MARCHF1: variants seen among roughly 807,000 people sequenced by gnomAD.
The protein encoded by MARCHF1 is membrane associated ring-CH-type finger 1.
Under a neutral mutation model 54.2 loss-of-function variants are expected in MARCHF1, and 40 were observed. The ratio of observed to expected loss-of-function variants is 0.74; its 90% CI spans 0.57 to 0.96. The LOEUF (loss-of-function observed/expected upper bound fraction) is 0.96, where lower values mean the gene tolerates loss of function less well. Among genes scored for constraint, MARCHF1 ranks in the 40% least tolerant of loss-of-function variants. The pLI is 0.00. For synonymous variants in MARCHF1, 236 were observed against 236.3 expected (o/e 1.00, Z 0.01); for missense variants, 586 against 656.5 (o/e 0.89, Z 1.17).
chr4:164,084,922 T>C (rs1755165814), intron 2 of MARCHF1, among the ~76,000 whole-genome samples: 1 of 151,708 alleles, frequency 6.6e-6, no homozygotes, highest in African/African-American at 2.4e-5. Context: ...TTAAAAGTAA[T>C]GAAATAAAAT....
intron 1 of MARCHF1, among the ~76,000 whole-genome samples, chr4:164,256,590 T>C (rs1733292093): frequency 6.6e-6 from 1 of 152,080 alleles, no homozygotes; most frequent in Non-Finnish European, 1.5e-5. Context: ...AGCAAAGTAT[T>C]ATCAGTGAAA....
At chr4:163,554,510 A>G (rs986938204) in intron 8 of MARCHF1, among the ~76,000 whole-genome samples, 7 of 152,228 alleles carry the variant, frequency 4.6e-5, no homozygotes, top group Admixed American at 2.0e-4. Flanking sequence ...TAGAAGCCAC[A>G]TGGTCAGAGA....
At chr4:164,084,905 G>A (rs1755165356) in intron 2 of MARCHF1, among the ~76,000 whole-genome samples, 1 of 151,558 alleles carries the variant, frequency 6.6e-6, no homozygotes, top group African/African-American at 2.4e-5. Flanking sequence ...AAAAGCTGAT[G>A]ATTTTTTTAA....
At chr4:163,897,210 T>C (rs1158205092) in intron 3 of MARCHF1, among the ~76,000 whole-genome samples, 1 of 152,202 alleles carries the variant, frequency 6.6e-6, no homozygotes, top group Non-Finnish European at 1.5e-5. Context: ...CAGCTTTTCA[T>C]AACTTTTCAG....
At chr4:164,242,107 G>T (rs2321374) in intron 1 of MARCHF1, among the ~76,000 whole-genome samples, 1 of 151,960 alleles carries the variant, frequency 6.6e-6, no homozygotes, top group Non-Finnish European at 1.5e-5. Flanking sequence ...CTGGAAGCTC[G>T]AACTGGGTGG....
intron 8 of MARCHF1, among the ~76,000 whole-genome samples, chr4:163,571,297 A>G (rs1180806525): frequency 1.3e-5 from 2 of 152,066 alleles, no homozygotes; most frequent in Non-Finnish European, 2.9e-5. Flanking sequence ...CCCTCCCTCC[A>G]TCTCTGTCCT....
chr4:164,182,718 C>T (rs1310039620), intron 1 of MARCHF1, among the ~76,000 whole-genome samples: 1 of 151,620 alleles, frequency 6.6e-6, no homozygotes, highest in Non-Finnish European at 1.5e-5. Context: ...AAGAAGCTTC[C>T]CAAGTCAGCT....
At chr4:163,989,500 T>C (rs1208907949) in intron 2 of MARCHF1, among the ~76,000 whole-genome samples, 3 of 152,110 alleles carry the variant, frequency 2.0e-5, no homozygotes, top group African/African-American at 4.8e-5. Flanking sequence ...CTCCCCGAAA[T>C]ATATGTTTGA....
At chr4:163,992,994 C>T (rs990188314) in intron 2 of MARCHF1, among the ~76,000 whole-genome samples, 4 of 151,664 alleles carry the variant, frequency 2.6e-5, no homozygotes, top group South Asian at 2.1e-4. Flanking sequence ...AAATGGCCAC[C>T]GTCAAAGATT....
At chr4:164,142,739 A>T (rs1442999103) in intron 1 of MARCHF1, among the ~76,000 whole-genome samples, 1 of 152,222 alleles carries the variant, frequency 6.6e-6, no homozygotes, top group Non-Finnish European at 1.5e-5. Flanking sequence ...CAGCAGAAAA[A>T]CTGGAAACTC....
chr4:164,196,616 A>G (rs1731265812), intron 1 of MARCHF1, among the ~76,000 whole-genome samples: 1 of 152,160 alleles, frequency 6.6e-6, no homozygotes, highest in African/African-American at 2.4e-5. Context: ...AGTAGCAAGC[A>G]TTAATAAGTG....
chr4:164,364,195 A>G (rs1284284765), intron 1 of MARCHF1, among the ~76,000 whole-genome samples: 1 of 152,052 alleles, frequency 6.6e-6, no homozygotes, highest in Non-Finnish European at 1.5e-5. Flanking sequence ...AAGTTCTGGT[A>G]TTTCTTGAAA....
intron 1 of MARCHF1, among the ~76,000 whole-genome samples, chr4:164,179,019 T>C (rs1442455785): frequency 2.0e-5 from 3 of 152,122 alleles, no homozygotes; most frequent in Non-Finnish European, 4.4e-5. Context: ...GAACACCATG[T>C]GGCACGCAGA....
chr4:164,285,442 A>T (rs181374132), intron 1 of MARCHF1, among the ~76,000 whole-genome samples: 9 of 151,928 alleles, frequency 5.9e-5, no homozygotes, highest in African/African-American at 1.4e-4. Flanking sequence ...TAATTTAATT[A>T]ATTTATTTAT....
chr4:164,131,733 A>G (rs1756304969), intron 1 of MARCHF1, among the ~76,000 whole-genome samples: 1 of 152,110 alleles, frequency 6.6e-6, no homozygotes, highest in East Asian at 1.9e-4. Flanking sequence ...ACTCTAAGTA[A>G]CTTATGGATA....
intron 1 of MARCHF1, among the ~76,000 whole-genome samples, chr4:164,293,827 G>A (rs980083064): frequency 6.6e-6 from 1 of 152,252 alleles, no homozygotes; most frequent in South Asian, 2.1e-4. Flanking sequence ...TACAAATTGT[G>A]GTAGTTAATA....
chr4:164,197,182 T>C (rs1188772484), intron 1 of MARCHF1: 1 of 1,608,688 alleles, frequency 6.2e-7, no homozygotes, highest in East Asian at 2.2e-5. Context: ...CTGAGCATCT[T>C]CATCATACTC....
chr4:164,303,308 G>T (rs1275340216), intron 1 of MARCHF1, among the ~76,000 whole-genome samples: 1 of 152,148 alleles, frequency 6.6e-6, no homozygotes, highest in East Asian at 1.9e-4. Context: ...ATAAAGGCAA[G>T]AAAATTGATT....
intron 2 of MARCHF1, among the ~76,000 whole-genome samples, chr4:164,100,886 C>A (rs919033924): frequency 1.3e-5 from 2 of 152,082 alleles, no homozygotes; most frequent in African/African-American, 2.4e-5. Context: ...AGACAGTGGG[C>A]GCAGGTCAGT....
Sources: allele counts gnomAD v4.1 joint callset (sites outside exome capture counted in the v4.1 genomes callset), GRCh38; gene constraint gnomAD v4.1.1; transcripts MANE v1.5; gene names NCBI Gene and HGNC (gene_info 2026-07-23, HGNC 2026-07-21).